The following URAD variants were observed in gnomAD, a reference collection of about 807,000 sequenced individuals.
URAD encodes the protein ureidoimidazoline (2-oxo-4-hydroxy-4-carboxy-5-) decarboxylase, also known as putative 2-oxo-4-hydroxy-4-carboxy-5-ureidoimidazoline decarboxylase.
URAD carries 4 observed loss-of-function variants against 4.6 expected under a neutral mutation model. The observed-to-expected ratio is 0.87, with a 90% CI of 0.43 to 1.98. URAD has a LOEUF of 1.98. URAD is among the 30% of genes most tolerant of loss of function. The pLI, the probability that URAD is intolerant of heterozygous loss-of-function variation, is 0.03. For missense variants in URAD, 300 were observed against 255.3 expected (o/e 1.18, Z -1.19); for synonymous variants, 144 against 118.2 (o/e 1.22, Z -1.41).
In URAD at chr13:27,988,445, C is replaced by A; in HGVS notation, c.175+18G>T. ...TTTGAAATCCCTTTGCAGAGAATGTCTGATACGGAAGCCTTACCTGACTGT... is the reference window on the plus strand; with the variant it reads ...TTTGAAATCCCTTTGCAGAGAATGTATGATACGGAAGCCTTACCTGACTGT... On this transcript the variant is annotated intron_variant, in intron 1 of 1. Coordinates refer to ENST00000332715, the MANE Select transcript of URAD (RefSeq NM_001105577.2). 1 of 1,568,904 alleles carries A rather than the reference C, an allele frequency of 6.4e-7. No individual in the cohort carries two copies. The highest frequency in any genetic ancestry group is 1.2e-5 in the South Asian group (1 of 83,772).
intron 1 of URAD, among the ~76,000 whole-genome samples, chr13:27,980,351 A>C (rs993676148): frequency 6.6e-6 from 1 of 152,118 alleles, no homozygotes; most frequent in African/African-American, 2.4e-5. Flanking sequence ...GTGAGAATTA[A>C]ATTCCCCACC....
rs753973596 is a variant in URAD at position 27,978,126 on chromosome 13, C to A, written c.502G>T (p.Ala168Ser). 1 of 1,525,094 alleles carries A rather than the reference C, an allele frequency of 6.6e-7. No individual in the cohort carries two copies. The highest frequency in any genetic ancestry group is 8.7e-7 in the Non-Finnish European group (1 of 1,149,454). The allele number at this position is 1,525,094 out of a possible 1,614,324, so 94.5% of individuals were successfully genotyped here. ...GGCAGCTACAGCTTGGCGGGGTCTGCGCGGAGGAGGTCGGCCAGGCGCAGG... is the reference window on the plus strand; with the variant it reads ...GGCAGCTACAGCTTGGCGGGGTCTGAGCGGAGGAGGTCGGCCAGGCGCAGG... The part of the protein sequence containing the change: ...GSLRLADLLR[A>S]DPAKL The change falls in exon 2 of 2, where the codon GCA (alanine) becomes TCA (serine). Residue 168 changes from alanine to serine, a missense_variant. By Grantham distance (99) the Ala-to-Ser change is moderately conservative. Transcript: ENST00000332715.
At chr13:27,986,059 A>G (rs979134706) in intron 1 of URAD, among the ~76,000 whole-genome samples, 5 of 152,290 alleles carry the variant, frequency 3.3e-5, no homozygotes, top group South Asian at 2.1e-4. Context: ...AGACAAGTGC[A>G]GAACCGAGAA....
rs551308924 is a variant in URAD at position 27,985,833 on chromosome 13, T to G, written c.175+2630A>C. Among the ~76,000 whole-genome samples, 4 of 152,320 alleles carry G rather than the reference T, an allele frequency of 2.6e-5. No individual in the cohort carries two copies. The South Asian group carries it at 8.3e-4, about 32-fold the overall frequency. On this transcript the variant is annotated intron_variant, in intron 1 of 1. Coordinates refer to ENST00000332715, the MANE Select transcript of URAD (RefSeq NM_001105577.2). ...GTAAGAATGGGAGCAATAATAATAC[T>G]ATTCCTCATTTTATAGGGATATTAG...
At chr13:27,979,788 G>A (rs1180906817) in intron 1 of URAD, among the ~76,000 whole-genome samples, 1 of 152,184 alleles carries the variant, frequency 6.6e-6, no homozygotes, top group Non-Finnish European at 1.5e-5. Context: ...TATTGTTTCT[G>A]TCTAATAAAA....
chr13:27,981,008 TTCTCTCTCTCTCTCTCTCTCC>T (rs1350222302), intron 1 of URAD, among the ~76,000 whole-genome samples: 89 of 111,818 alleles, frequency 8.0e-4, no homozygotes, highest in Non-Finnish European at 1.4e-3. Context: ...TTTCAGTCGC[TTCTCTCTCTCTCTCTCTCTCC>T]TCTCTCTCTC....
rs759376316 is a variant in URAD at position 27,988,604 on chromosome 13, C to T, written c.34G>A (p.Gly12Arg). 1.9e-6 allele frequency: 3 copies of T among 1,613,420 alleles called. No individual in the cohort carries two copies. Among genetic ancestry groups the T allele is most frequent in the South Asian group, 1.1e-5 (1 of 90,982 alleles). ...TTCCCAAACACATCCACGAATTCTC[C>T]AAGGTCCATGGAGTTGACCTTCTCA... Reference protein sequence around the residue: ...DIEKVNSMDLGEFVDVFGNAT... With the variant: ...DIEKVNSMDLREFVDVFGNAT... Residue 12 changes from glycine to arginine, a missense_variant, in exon 1 of 2, where the codon GGA becomes AGA. Physicochemically the swap from Gly to Arg is moderately radical, Grantham distance 125. Coordinates refer to ENST00000332715, the MANE Select transcript of URAD (RefSeq NM_001105577.2).
At chr13:27,985,932 C>T (rs1414907242) in intron 1 of URAD, among the ~76,000 whole-genome samples, 1 of 152,178 alleles carries the variant, frequency 6.6e-6, no homozygotes, top group African/African-American at 2.4e-5. Flanking sequence ...AAGTTCAATA[C>T]ATTTTAGCTA....
At chr13:27,982,188 TG>T (rs1869895134) in intron 1 of URAD, among the ~76,000 whole-genome samples, 1 of 152,162 alleles carries the variant, frequency 6.6e-6, no homozygotes, top group Non-Finnish European at 1.5e-5. Context: ...CCCAGCACTT[TG>T]GGAGGCCGAG....
chr13:27,986,691 A>G (rs1038902454), intron 1 of URAD, among the ~76,000 whole-genome samples: 2 of 150,156 alleles, frequency 1.3e-5, no homozygotes, highest in African/African-American at 4.9e-5. Context: ...TATTAAGACA[A>G]TCAAAGGATA....
At chr13:27,984,159 C>T (rs1869953304) in intron 1 of URAD, among the ~76,000 whole-genome samples, 2 of 152,126 alleles carry the variant, frequency 1.3e-5, no homozygotes, top group Admixed American at 1.3e-4. Context: ...GCGATCCTCC[C>T]ACCTCAGACT....
At chr13:27,984,637 A>G (rs1869965656) in intron 1 of URAD, among the ~76,000 whole-genome samples, 1 of 152,180 alleles carries the variant, frequency 6.6e-6, no homozygotes, top group Non-Finnish European at 1.5e-5. Flanking sequence ...AATCTATTTC[A>G]CCCAGTTTGC....
chr13:27,987,889 A>AGAT (rs1224863597), intron 1 of URAD, among the ~76,000 whole-genome samples: 1 of 131,614 alleles, frequency 7.6e-6, no homozygotes, highest in Non-Finnish European at 1.6e-5. Context: ...TAAAATAGAT[A>AGAT]GATGATAGAT....
intron 1 of URAD, among the ~76,000 whole-genome samples, chr13:27,985,544 G>T (rs375964522): frequency 9.1e-4 from 138 of 152,264 alleles, no homozygotes; most frequent in African/African-American, 3.1e-3. Flanking sequence ...ACCAAGCTGC[G>T]AAGTAGATCA....
At chr13:27,987,892 TGATA>T (rs6144971) in intron 1 of URAD, among the ~76,000 whole-genome samples, 5,160 of 150,148 alleles carry the variant, frequency 0.034, 92 homozygotes, top group South Asian at 0.04. Flanking sequence ...AATAGATAGA[TGATA>T]GATAGATAGA....
At position 27,988,684 on chromosome 13, in the gene URAD, G is replaced by T; in HGVS notation, c.-47C>A. The T allele has an allele frequency of 6.6e-7, 1 of 1,520,602 alleles. No homozygotes were observed. Among genetic ancestry groups the T allele is most frequent in the Non-Finnish European group, 8.9e-7 (1 of 1,129,878 alleles). 94.2% of individuals were successfully genotyped at this position (1,520,602 alleles called of 1,614,324 possible). On this transcript the variant is annotated 5_prime_UTR_variant, in exon 1 of 2. Coordinates refer to ENST00000332715, the MANE Select transcript of URAD (RefSeq NM_001105577.2). Reference sequence around the variant, plus strand: ...AGCGGGACGTCCAGCTCCCCTCTCGGTGAGTGAGTGACGCTGTCTCGGCTC... The same window carrying T: ...AGCGGGACGTCCAGCTCCCCTCTCGTTGAGTGAGTGACGCTGTCTCGGCTC...
At chr13:27,987,798 T>C (rs1350047086) in intron 1 of URAD, among the ~76,000 whole-genome samples, 2 of 152,152 alleles carry the variant, frequency 1.3e-5, no homozygotes, top group African/African-American at 4.8e-5. Context: ...TGCTTGACTC[T>C]TACGGACTAG....
chr13:27,981,965 C>T (rs978857313), intron 1 of URAD, among the ~76,000 whole-genome samples: 5 of 152,276 alleles, frequency 3.3e-5, no homozygotes, highest in African/African-American at 1.2e-4. Flanking sequence ...CTCCTGGCCT[C>T]TCCACTTCCT....
intron 1 of URAD, 104 bp from the exon 2 acceptor site, chr13:27,978,556 C>G: frequency 3.5e-6 from 3 of 867,246 alleles, no homozygotes; most frequent in Non-Finnish European, 4.6e-6. Context: ...CTGCCCCGCC[C>G]CGCCCCGCCC....
Sources: gnomAD v4.1 joint callset for allele counts (sites outside exome capture counted in the v4.1 genomes callset) on GRCh38, gnomAD v4.1.1 for gene constraint, MANE v1.5 for transcripts, NCBI Gene and HGNC (gene_info 2026-07-23, HGNC 2026-07-21) for gene names.